Variants in POLR3F observed in about 807,000 individuals in gnomAD.
POLR3F encodes DNA-directed RNA polymerase III subunit RPC6.
In POLR3F, 31 loss-of-function variants were observed where a neutral mutation model predicts 43.6. That is an observed-to-expected ratio of 0.71 (90% CI 0.53 to 0.96). The LOEUF (loss-of-function observed/expected upper bound fraction) is 0.96, where lower values mean the gene tolerates loss of function less well. Ranked by LOEUF, POLR3F falls within the 40% of genes least tolerant of loss-of-function variation. The probability of loss-of-function intolerance (pLI) is 0.00; values close to 1 mark genes in which losing one functional copy is unlikely to be tolerated. For synonymous variants in POLR3F, 114 were observed against 132.5 expected (o/e 0.86, Z 0.96); for missense variants, 316 against 391.7 (o/e 0.81, Z 1.63).
intron 1 of POLR3F, among the ~76,000 whole-genome samples, chr20:18,468,184 C>G (rs894024899): frequency 1.3e-5 from 2 of 152,196 alleles, no homozygotes; most frequent in Non-Finnish European, 2.9e-5. Context: ...TCAAGCGATT[C>G]CCCTGCCTTA....
At chr20:18,483,025 TTGA>T (rs2059818480) in intron 8 of POLR3F, among the ~76,000 whole-genome samples, 2 of 152,244 alleles carry the variant, frequency 1.3e-5, no homozygotes, top group South Asian at 4.2e-4. Flanking sequence ...TACTCCTAAC[TTGA>T]TGATCACAAA....
chr20:18,472,894 A>G lies in POLR3F; in HGVS notation c.233A>G (p.Asp78Gly), dbSNP rs1168976823. ...ACGGGCCTTTTATATAGAATAAAGG[A>G]CTCTCAGAATGCTGGGTAAGTACTT... ...SNTGLLYRIK[D>G]SQNAGKMKGS... Residue 78 changes from aspartate to glycine, a missense_variant, in exon 3 of 9, where the codon GAC becomes GGC. Transcript: ENST00000377603. The G allele has an allele frequency of 2.0e-6, 3 of 1,470,796 alleles. No homozygotes were observed. The highest frequency in any genetic ancestry group is 3.6e-5 in the Admixed American group (2 of 55,118). The allele number at this position is 1,470,796 out of a possible 1,614,324, so 91.1% of individuals were successfully genotyped here.
At chr20:18,475,982 T>C (rs918449105) in intron 5 of POLR3F, among the ~76,000 whole-genome samples, 5 of 152,226 alleles carry the variant, frequency 3.3e-5, no homozygotes, top group Non-Finnish European at 5.9e-5. Flanking sequence ...ATTTCAAATA[T>C]ATACAAAGGT....
chr20:18,472,781 C>T lies in POLR3F; in HGVS notation c.181-61C>T, dbSNP rs1031808053. The T allele has an allele frequency of 8.0e-6, 6 of 747,808 alleles. No homozygotes were observed. The African/African-American group carries it at 1.1e-4, about 14-fold the overall frequency. 46.3% of individuals were successfully genotyped at this position (747,808 alleles called of 1,614,324 possible). Reference sequence around the variant, plus strand: ...TGTTAAAGAATGCATCAACATTTGTCATTTGATTTAACATATCTCCAAAAT... The same window carrying T: ...TGTTAAAGAATGCATCAACATTTGTTATTTGATTTAACATATCTCCAAAAT... On this transcript the variant is annotated intron_variant, in intron 2 of 8. Transcript: ENST00000377603.
Position 18,473,436 on chromosome 20 carries a change from C to T in POLR3F, c.294C>T (p.Ile98=). 6.7e-7 allele frequency: 1 copy of T among 1,486,218 alleles called. No individual in the cohort carries two copies. The highest frequency in any genetic ancestry group is 2.3e-5 in the East Asian group (1 of 44,156). 92.1% of individuals were successfully genotyped at this position (1,486,218 alleles called of 1,614,324 possible). Residue 98 remains isoleucine (I), a synonymous_variant, in exon 4 of 9, where the codon ATC becomes ATT. Transcript: ENST00000377603. The stretch of plus-strand genomic sequence containing the variant: ...ACCAAGAAAAACTAGTATATCAAAT[C>T]ATAGAGGATGCAGGAAATAAAGGTA... ...SDNQEKLVYQ[I]IEDAGNKGIW...
chr20:18,482,888 C>G (rs1402306877), intron 8 of POLR3F, among the ~76,000 whole-genome samples: 2 of 152,124 alleles, frequency 1.3e-5, no homozygotes, highest in Non-Finnish European at 2.9e-5. Flanking sequence ...TTTGGTTAAT[C>G]AAAATTAAGT....
chr20:18,477,608 A>T (rs550478635), intron 5 of POLR3F, among the ~76,000 whole-genome samples: 6 of 152,366 alleles, frequency 3.9e-5, no homozygotes, highest in African/African-American at 1.4e-4. Flanking sequence ...ATTCAGTTAT[A>T]AAAAGAAATA....
chr20:18,473,204 A>T (rs1011298610), intron 3 of POLR3F, among the ~76,000 whole-genome samples, 187 bp from the exon 4 acceptor site: 8 of 151,588 alleles, frequency 5.3e-5, no homozygotes, highest in African/African-American at 1.9e-4. Flanking sequence ...TTTTTCACTT[A>T]CTGTATCTTG....
intron 2 of POLR3F, chr20:18,469,297 C>A: frequency 2.2e-6 from 1 of 453,060 alleles, no homozygotes; most frequent in Non-Finnish European, 4.0e-6. Context: ...ATCATCCAAT[C>A]CATTCAGGGC....
At chr20:18,470,111 A>C (rs902412470) in intron 2 of POLR3F, among the ~76,000 whole-genome samples, 1 of 152,162 alleles carries the variant, frequency 6.6e-6, no homozygotes, top group African/African-American at 2.4e-5. Context: ...GATGCTCTAA[A>C]TCTCCCTTAC....
At chr20:18,475,741 C>T (rs191509190) in intron 5 of POLR3F, among the ~76,000 whole-genome samples, 2 of 152,170 alleles carry the variant, frequency 1.3e-5, no homozygotes, top group Non-Finnish European at 2.9e-5. Context: ...CTTCAATACA[C>T]ATTTCATAAG....
Position 18,480,066 on chromosome 20 carries a change from A to G in POLR3F, c.458A>G (p.Tyr153Cys), listed in dbSNP as rs756850670. The G allele has an allele frequency of 2.5e-6, 4 of 1,612,632 alleles. No individual in the cohort carries two copies. In the South Asian group the frequency reaches 4.4e-5, roughly 18 times the overall value. The change falls in exon 6 of 9, where the codon TAT (tyrosine) becomes TGT (cysteine). Residue 153 changes from tyrosine to cysteine, a missense_variant. Transcript: ENST00000377603. Reference sequence around the variant, plus strand: ...TCAAAAAAGAAGGTGTATATGCTCTATAACCTGCAGCCAGACCGGTCTGTG... The same window carrying G: ...TCAAAAAAGAAGGTGTATATGCTCTGTAACCTGCAGCCAGACCGGTCTGTG... Reference protein sequence around the residue: ...AASKKKVYMLYNLQPDRSVTG... With the variant: ...AASKKKVYMLCNLQPDRSVTG...
In POLR3F at chr20:18,484,369, A is replaced by C. The variant is rs1174465107; in HGVS notation, c.*811A>C. On this transcript the variant is annotated 3_prime_UTR_variant, in exon 9 of 9. Transcript: ENST00000377603. ...AATGTTTGTGTGCCCCCAGAATTCT[A>C]ATGTTGAAATCTCATTTCCAATGTG... The C allele has an allele frequency of 2.7e-6, 1 of 372,792 alleles. No homozygotes were observed. Among genetic ancestry groups the C allele is most frequent in the East Asian group, 3.8e-5 (1 of 26,492 alleles). The allele number at this position is 372,792 out of a possible 1,614,324, so 23.1% of individuals were successfully genotyped here.
chr20:18,467,589 C>T, intron 1 of POLR3F, 21 bp downstream of exon 1: 3 of 1,614,182 alleles, frequency 1.9e-6, no homozygotes, highest in Non-Finnish European at 2.5e-6. Context: ...GAGGCTCCGG[C>T]TTGGCACTCC....
At chr20:18,470,947 A>G (rs2059746608) in intron 2 of POLR3F, among the ~76,000 whole-genome samples, 1 of 152,168 alleles carries the variant, frequency 6.6e-6, no homozygotes, top group Admixed American at 6.5e-5. Context: ...TTTTACCTGG[A>G]CAGCTGCAGT....
chr20:18,480,527 T>C lies in POLR3F; in HGVS notation c.681+18T>C, dbSNP rs909130348. On this transcript the variant is annotated intron_variant, in intron 7 of 8. Coordinates refer to ENST00000377603, the MANE Select transcript of POLR3F (RefSeq NM_006466.4). ...TCAGTAAGGTCAGAACTGAATTTCA[T>C]CTTATTTTTTAAAACTTATTCTTTG... is the stretch of plus-strand genomic sequence containing the variant. 7.4e-7 allele frequency: 1 copy of C among 1,357,030 alleles called. No homozygotes were observed. The allele number at this position is 1,357,030 out of a possible 1,614,324, so 84.1% of individuals were successfully genotyped here.
intron 5 of POLR3F, among the ~76,000 whole-genome samples, chr20:18,477,363 CA>C (rs1298362702): frequency 2.6e-5 from 4 of 152,214 alleles, no homozygotes; most frequent in East Asian, 1.9e-4. Flanking sequence ...GCAAAATTTT[CA>C]GTCCTTTTGT....
At chr20:18,479,972 A>G (rs2059801486) in intron 5 of POLR3F, 66 bp from the exon 6 acceptor site, 1 of 1,162,170 alleles carries the variant, frequency 8.6e-7, no homozygotes, top group Non-Finnish European at 1.2e-6. Flanking sequence ...GTTCCAAAAT[A>G]TAGGTGTTTT....
At chr20:18,467,632 C>T in intron 1 of POLR3F, 64 bp downstream of exon 1, 1 of 1,611,200 alleles carries the variant, frequency 6.2e-7, no homozygotes, top group Non-Finnish European at 8.5e-7. Context: ...CAGCTGGACC[C>T]CTTCTCCGGG....
Sources: gnomAD v4.1 joint callset for allele counts (sites outside exome capture counted in the v4.1 genomes callset) on GRCh38, gnomAD v4.1.1 for gene constraint, MANE v1.5 for transcripts, NCBI Gene and HGNC (gene_info 2026-07-23, HGNC 2026-07-21) for gene names.